VPS13D: variants seen among roughly 807,000 people sequenced by gnomAD.
The protein encoded by VPS13D is intermembrane lipid transfer protein VPS13D.
In VPS13D, 187 loss-of-function variants were observed where a neutral mutation model predicts 461.9. The observed-to-expected ratio is 0.40, with a 90% confidence interval of 0.36 to 0.46. The LOEUF (loss-of-function observed/expected upper bound fraction) is 0.46, where lower values mean the gene tolerates loss of function less well. VPS13D is among the 20% of genes least tolerant of loss of function. VPS13D has a pLI of 0.60. For synonymous variants in VPS13D, 1,951 were observed against 1,986.3 expected, an observed-to-expected ratio of 0.98 and a Z score of 0.47; for missense variants, 4,711 against 5,364.9, an observed-to-expected ratio of 0.88 and a Z score of 3.81.
chr1:12,272,392 G>GGT (rs60615824), intron 17 of VPS13D, among the ~76,000 whole-genome samples: 39,510 of 142,954 alleles, frequency 0.28, 5,422 homozygotes, highest in South Asian at 0.38. Flanking sequence ...TTTTTGTTTT[G>GGT]GTGTGTGTGT....
chr1:12,502,556 C>T lies in VPS13D; in HGVS notation c.12795-4297C>T, dbSNP rs534673111. On this transcript the variant is annotated intron_variant, in intron 68 of 69. Transcript: ENST00000620676. The surrounding 1 kb of genome is among the most constrained non-coding windows in gnomAD (Gnocchi z 4.3). ...TGGGTAACGCCTAGGGGTAGAGGAG[C>T]CTGTTCCAGGAGCTCTGAGTCAGGC... 1.3e-5 allele frequency among the ~76,000 whole-genome samples: 2 copies of T among 151,810 alleles called. No individual in the cohort carries two copies. The highest frequency in any genetic ancestry group is 3.9e-4 in the East Asian group (2 of 5,148).
Position 12,403,805 on chromosome 1 carries a change from T to C in VPS13D, c.11882-20T>C, listed in dbSNP as rs141002936. 1.6e-5 allele frequency: 25 copies of C among 1,565,798 alleles called. No individual in the cohort carries two copies. The East Asian group carries it at 5.4e-4, about 34-fold the overall frequency. ...ACTAAGAAATTCTTTTTTGTTTTTTTAATTCTTCCTTTGTACCAGAGGTGG... is the reference window on the plus strand; with the variant it reads ...ACTAAGAAATTCTTTTTTGTTTTTTCAATTCTTCCTTTGTACCAGAGGTGG... On this transcript the variant is annotated intron_variant, in intron 62 of 69. Coordinates refer to ENST00000620676, the MANE Select transcript of VPS13D (RefSeq NM_015378.4).
At chr1:12,328,215 A>G (rs1000794777) in intron 36 of VPS13D, among the ~76,000 whole-genome samples, 3 of 152,116 alleles carry the variant, frequency 2.0e-5, no homozygotes, top group African/African-American at 7.2e-5. Context: ...GTTCTGTTGT[A>G]TTATCTCTTG....
intron 65 of VPS13D, among the ~76,000 whole-genome samples, chr1:12,418,604 G>A (rs1270057203): frequency 6.6e-6 from 1 of 152,070 alleles, no homozygotes; most frequent in Non-Finnish European, 1.5e-5. Flanking sequence ...TCCTCACTGT[G>A]GAATAGAAAT....
intron 5 of VPS13D, among the ~76,000 whole-genome samples, chr1:12,245,657 G>T (rs557065627): frequency 2.6e-5 from 4 of 152,040 alleles, no homozygotes; most frequent in Non-Finnish European, 5.9e-5. Flanking sequence ...CGAGGAGTTG[G>T]GCTGCAAGGC....
intron 67 of VPS13D, among the ~76,000 whole-genome samples, chr1:12,484,298 C>T (rs559754899): frequency 2.0e-5 from 3 of 152,314 alleles, no homozygotes; most frequent in Non-Finnish European, 4.4e-5. Context: ...CTCCTTCACT[C>T]TTTCATTGTT....
chr1:12,479,755 G>C (rs928462636), intron 67 of VPS13D, among the ~76,000 whole-genome samples: 11 of 152,088 alleles, frequency 7.2e-5, no homozygotes, highest in Non-Finnish European at 1.6e-4. Context: ...CAAGTGTTAG[G>C]TCTACTTCCT....
intron 26 of VPS13D, among the ~76,000 whole-genome samples, 182 bp downstream of exon 26, chr1:12,304,910 A>ATT (rs1642520502): frequency 1.3e-5 from 2 of 151,844 alleles, no homozygotes; most frequent in African/African-American, 4.8e-5. Context: ...TAGATTTATC[A>ATT]TTGGATGACT....
chr1:12,257,189 G>A, intron 9 of VPS13D, 102 bp downstream of exon 9: 1 of 1,026,370 alleles, frequency 9.7e-7, no homozygotes, highest in East Asian at 2.5e-5. Context: ...CATGTTTGGA[G>A]ATAAAAGTAC....
intron 20 of VPS13D, among the ~76,000 whole-genome samples, chr1:12,280,091 A>G (rs960194946): frequency 4.6e-5 from 7 of 152,204 alleles, no homozygotes; most frequent in Admixed American, 3.3e-4. Context: ...GGGCCAGGAT[A>G]GGGATTTCTT....
At chr1:12,430,864 G>A (rs911036234) in intron 65 of VPS13D, among the ~76,000 whole-genome samples, 4 of 152,240 alleles carry the variant, frequency 2.6e-5, no homozygotes, top group South Asian at 2.1e-4. Flanking sequence ...AAGCCAGATA[G>A]ATTTTACCAG....
chr1:12,267,098 A>T, intron 14 of VPS13D, 87 bp downstream of exon 14: 1 of 1,349,578 alleles, frequency 7.4e-7, no homozygotes, highest in Non-Finnish European at 9.8e-7. Context: ...ATTCATTCTG[A>T]CATTTGATCA....
intron 23 of VPS13D, among the ~76,000 whole-genome samples, chr1:12,292,435 CTTTTTTTTT>C (rs886615855): frequency 6.2e-5 from 6 of 96,916 alleles, no homozygotes; most frequent in African/African-American, 2.5e-4. Context: ...TGCTCAGTCT[CTTTTTTTTT>C]TTTTTTTTTT....
In VPS13D at chr1:12,485,327, C is replaced by G. The variant is rs371544193; in HGVS notation, c.12663-12173C>G. 2.7e-4 allele frequency among the ~76,000 whole-genome samples: 41 copies of G among 152,330 alleles called. 4 individuals carry two copies. Among genetic ancestry groups the G allele is most frequent in the Admixed American group, 2.0e-3 (31 of 15,306 alleles). On this transcript the variant is annotated intron_variant, in intron 67 of 69. Transcript: ENST00000620676. The stretch of plus-strand genomic sequence containing the variant: ...AGCTTGCAATGCACGCAAACTGAAA[C>G]AGGCAGGATGGCCAGCCCAGGGTTG...
intron 65 of VPS13D, among the ~76,000 whole-genome samples, chr1:12,447,679 A>C (rs770499204): frequency 1.3e-5 from 2 of 152,252 alleles, no homozygotes; most frequent in Non-Finnish European, 2.9e-5. Context: ...ACTGGTGCCC[A>C]GCATCTATGA....
rs754379127 is a variant in VPS13D at position 12,373,873 on chromosome 1, A to G, written c.10917+15A>G. The G allele has an allele frequency of 3.8e-6, 6 of 1,593,238 alleles. No homozygotes were observed. The highest frequency in any genetic ancestry group is 1.1e-5 in the South Asian group (1 of 90,186). On this transcript the variant is annotated intron_variant, in intron 55 of 69. Transcript: ENST00000620676. ...TAAAAAAGAAGGTAAGAGAGCTTAC[A>G]ATCAGAGTTTAGAATACAAGGTTTT...
intron 60 of VPS13D, among the ~76,000 whole-genome samples, chr1:12,398,052 A>G (rs1044736246): frequency 1.3e-5 from 2 of 152,230 alleles, no homozygotes; most frequent in African/African-American, 4.8e-5. Flanking sequence ...ACCACTGAAT[A>G]GTGTAAAGGA....
At chr1:12,252,914 T>A (rs1249268979) in intron 6 of VPS13D, among the ~76,000 whole-genome samples, 1 of 151,840 alleles carries the variant, frequency 6.6e-6, no homozygotes, top group Middle Eastern at 3.2e-3. Context: ...ATCCCAGCAC[T>A]TTGGGAGGCC....
At chr1:12,411,057 C>A (rs181257571) in intron 63 of VPS13D, among the ~76,000 whole-genome samples, 21 of 152,200 alleles carry the variant, frequency 1.4e-4, no homozygotes, top group Middle Eastern at 3.4e-3. Context: ...AGGAAAGATA[C>A]CCATTATCAC....
Sources: allele counts gnomAD v4.1 joint callset (sites outside exome capture counted in the v4.1 genomes callset), GRCh38; gene constraint gnomAD v4.1.1; non-coding constraint Gnocchi (gnomAD v3.1); transcripts MANE v1.5; gene names NCBI Gene and HGNC (gene_info 2026-07-23, HGNC 2026-07-21).